SLC40A1: variants seen among roughly 807,000 people sequenced by gnomAD.
SLC40A1 encodes the protein ferroportin.
In SLC40A1, 16 loss-of-function variants were observed where a neutral mutation model predicts 53.5. The ratio of observed to expected loss-of-function variants is 0.30; its 90% CI spans 0.20 to 0.45. SLC40A1 has a LOEUF of 0.45. SLC40A1 is among the 20% of genes least tolerant of loss of function. The pLI is 1.00. For missense variants in SLC40A1, 545 were observed against 695.4 expected (o/e 0.78, Z 2.43); for synonymous variants, 247 against 253.2 (o/e 0.98, Z 0.23).
chr2:189,563,492 G>A (rs2030821517), intron 7 of SLC40A1, 92 bp downstream of exon 7: 5 of 1,181,870 alleles, frequency 4.2e-6, no homozygotes, highest in Non-Finnish European at 5.9e-6. Context: ...TAACATTTAG[G>A]GAACATTTCA....
chr2:189,578,009 AACCCC>A (rs1400567677), intron 2 of SLC40A1, among the ~76,000 whole-genome samples: 1 of 152,194 alleles, frequency 6.6e-6, no homozygotes, highest in Non-Finnish European at 1.5e-5. Context: ...AAAGGCATTC[AACCCC>A]ACACAAAACT....
Position 189,564,068 on chromosome 2 carries a change from A to G in SLC40A1, c.918T>C (p.Pro306=), listed in dbSNP as rs2030847802. Residue 306 remains proline (P), a synonymous_variant, in exon 7 of 8, where the codon CCT becomes CCC. Coordinates refer to ENST00000261024, the MANE Select transcript of SLC40A1 (RefSeq NM_014585.6). The part of the protein sequence containing the change: ...RDGWVSYYNQ[P]VFLAGMGLAF... The stretch of plus-strand genomic sequence containing the variant: ...CAAGACCCATGCCAGCCAGAAACAC[A>G]GGCTGGTTGTAGTAGGAGACCCATC... 1.9e-6 allele frequency: 3 copies of G among 1,612,070 alleles called. No individual in the cohort carries two copies. Among genetic ancestry groups the G allele is most frequent in the Non-Finnish European group, 2.5e-6 (3 of 1,178,454 alleles).
chr2:189,574,326 C>G (rs1031406708), intron 3 of SLC40A1, among the ~76,000 whole-genome samples: 2 of 152,176 alleles, frequency 1.3e-5, no homozygotes, highest in African/African-American at 4.8e-5. Context: ...TTCTGGTCTA[C>G]TCATTCTAAA....
chr2:189,565,323 A>G (rs376608215), intron 6 of SLC40A1, 31 bp downstream of exon 6: 56 of 1,613,628 alleles, frequency 3.5e-5, no homozygotes, highest in Non-Finnish European at 4.6e-5. Context: ...GAACATGAGA[A>G]CAAAAGGAGA....
At chr2:189,576,833 TCTTA>T (rs1195229100) in intron 2 of SLC40A1, among the ~76,000 whole-genome samples, 1 of 152,192 alleles carries the variant, frequency 6.6e-6, no homozygotes, top group African/African-American at 2.4e-5. Context: ...TTTCTTTTTT[TCTTA>T]CTCTTATTGT....
rs1052337478 is a variant in SLC40A1, at chr2:189,579,794, A to G, written c.111+19T>C. 1.2e-6 allele frequency: 2 copies of G among 1,607,248 alleles called. No individual in the cohort carries two copies. Among genetic ancestry groups the G allele is most frequent in the Admixed American group, 1.7e-5 (1 of 60,014 alleles). On this transcript the variant is annotated intron_variant, in intron 2 of 7. Transcript: ENST00000261024. ...AAAAATTGCGCAACTGTGTTGTAAG[A>G]CTATGCATTCTCACTTACCCAAGTA...
rs1574235789 is a variant in SLC40A1 at position 189,561,666 on chromosome 2, T to C, written c.*212A>G. The C allele has an allele frequency of 3.6e-6, 2 of 562,366 alleles. No individual in the cohort carries two copies. Among genetic ancestry groups the C allele is most frequent in the Non-Finnish European group, 6.3e-6 (2 of 315,704 alleles). The allele number at this position is 562,366 out of a possible 1,614,324, so 34.8% of individuals were successfully genotyped here. Reference sequence around the variant, plus strand: ...AGTCTCCGTATTTAAACTGAGTTTTTCTTTTCCAATTTTTTTTCCATGCCT... The same window carrying C: ...AGTCTCCGTATTTAAACTGAGTTTTCCTTTTCCAATTTTTTTTCCATGCCT... On this transcript the variant is annotated 3_prime_UTR_variant, in exon 8 of 8. Transcript: ENST00000261024.
At chr2:189,577,729 C>T (rs1177707857) in intron 2 of SLC40A1, among the ~76,000 whole-genome samples, 1 of 151,658 alleles carries the variant, frequency 6.6e-6, no homozygotes, top group Non-Finnish European at 1.5e-5. Context: ...ATTCTTCCAC[C>T]TCAGCCTCTC....
Position 189,580,696 on chromosome 2 carries a change from C to A in SLC40A1, c.-236G>T. The stretch of plus-strand genomic sequence containing the variant: ...AACACTGTAGCTGAAGTTGGAAAGG[C>A]AAAGCCTTATGGAAGCGGTTTGGGA... On this transcript the variant is annotated 5_prime_UTR_variant, in exon 1 of 8. Transcript: ENST00000261024. 6.9e-7 allele frequency: 1 copy of A among 1,458,292 alleles called. No individual in the cohort carries two copies. 90.3% of individuals were successfully genotyped at this position (1,458,292 alleles called of 1,614,324 possible).
chr2:189,571,943 A>G, intron 4 of SLC40A1, 102 bp from the exon 5 acceptor site: 1 of 807,064 alleles, frequency 1.2e-6, no homozygotes, highest in Non-Finnish European at 2.2e-6. Flanking sequence ...TGGAATGATA[A>G]AAAAAGTATT....
intron 4 of SLC40A1, 33 bp downstream of exon 4, chr2:189,572,813 T>A (rs1336844391): frequency 6.8e-7 from 1 of 1,468,152 alleles, no homozygotes; most frequent in Non-Finnish European, 9.5e-7. Context: ...GATATTCAAT[T>A]TTCTGCCATC....
intron 5 of SLC40A1, 137 bp downstream of exon 5, chr2:189,571,577 GA>G (rs1489211059): frequency 6.4e-6 from 9 of 1,410,268 alleles, no homozygotes; most frequent in African/African-American, 5.8e-5. Context: ...AATAAGGTAA[GA>G]AAAAAAGTAT....
intron 5 of SLC40A1, among the ~76,000 whole-genome samples, chr2:189,569,090 G>A (rs566838035): frequency 6.6e-6 from 1 of 152,340 alleles, no homozygotes; most frequent in South Asian, 2.1e-4. Context: ...TTTCCAAACT[G>A]GATAATGACT....
In SLC40A1 at chr2:189,562,174, A is replaced by T; in HGVS notation, c.1420T>A (p.Leu474Ile). ...TCTTGCAGCAACTGTGTCACAGTTA[A>T]ATCAAAGGACCAAAGACCTATAATA... ...AARIGLWSFDLTVTQLLQENV... is the reference protein window; with the variant it reads ...AARIGLWSFDITVTQLLQENV... The change falls in exon 8 of 8, where the codon TTA (leucine) becomes ATA (isoleucine). Residue 474 changes from leucine (L) to isoleucine (I), a missense_variant. Leu to Ile is a conservative substitution (Grantham distance 5). Coordinates refer to ENST00000261024, the MANE Select transcript of SLC40A1 (RefSeq NM_014585.6). The T allele has an allele frequency of 6.2e-7, 1 of 1,611,902 alleles. No homozygotes were observed.
chr2:189,572,593 A>C, intron 4 of SLC40A1: 1 of 553,788 alleles, frequency 1.8e-6, no homozygotes, highest in Non-Finnish European at 3.2e-6. Flanking sequence ...CAAACAACTG[A>C]ATTCTATAGT....
rs535193686 is a variant in SLC40A1, at chr2:189,572,885, A to C, written c.348T>G (p.His116Gln). The C allele has an allele frequency of 6.2e-7, 1 of 1,613,994 alleles. No homozygotes were observed. Among genetic ancestry groups the C allele is most frequent in the African/African-American group, 1.3e-5 (1 of 75,050 alleles). ...GGTACATGGTCAGAAGCTCATGTTTATGTAAGAAAACCATCATCAGGATGA... is the reference window on the plus strand; with the variant it reads ...GGTACATGGTCAGAAGCTCATGTTTCTGTAAGAAAACCATCATCAGGATGA... ...CGIILMMVFL[H>Q]KHELLTMYHG... The change falls in exon 4 of 8, where the codon CAT becomes CAG. Residue 116 changes from histidine to glutamine, a missense_variant. By Grantham distance (24) the His-to-Gln change is conservative (BLOSUM62 0). This residue lies in a region of SLC40A1 where 197 missense variants were observed against 278.8 expected (regional missense o/e 0.71). Transcript: ENST00000261024.
chr2:189,580,633 C>T lies in SLC40A1; in HGVS notation c.-173G>A. 6 of 1,529,524 alleles carry T rather than the reference C, an allele frequency of 3.9e-6. No homozygotes were observed. The South Asian group carries it at 6.0e-5, about 15-fold the overall frequency. 94.7% of individuals were successfully genotyped at this position (1,529,524 alleles called of 1,614,324 possible). On this transcript the variant is annotated 5_prime_UTR_variant, in exon 1 of 8. Coordinates refer to ENST00000261024, the MANE Select transcript of SLC40A1 (RefSeq NM_014585.6). Reference sequence around the variant, plus strand: ...TGGCAAAGAACAAAAGAAAAGGGGCCCAGGGATTTTCTTTTTTCCTTCTTT... The same window carrying T: ...TGGCAAAGAACAAAAGAAAAGGGGCTCAGGGATTTTCTTTTTTCCTTCTTT...
At chr2:189,563,421 AATAAAT>A (rs1488517482) in intron 7 of SLC40A1, among the ~76,000 whole-genome samples, 157 bp downstream of exon 7, 4 of 152,162 alleles carry the variant, frequency 2.6e-5, no homozygotes, top group East Asian at 1.9e-4. Flanking sequence ...TAAAAAACAC[AATAAAT>A]ATAAAGTATA....
chr2:189,564,002 G>A lies in SLC40A1; in HGVS notation c.984C>T (p.Thr328=), dbSNP rs2030845619. The A allele has an allele frequency of 6.2e-7, 1 of 1,614,090 alleles. No individual in the cohort carries two copies. The highest frequency in any genetic ancestry group is 1.3e-5 in the African/African-American group (1 of 75,034). ...GTCCCTGAGTGTAGGCGTACCCTGT[G>A]GTGATGCAGTCAAAGCCCAGGACAG... is the stretch of plus-strand genomic sequence containing the variant. The part of the protein sequence containing the change: ...YMTVLGFDCI[T]TGYAYTQGLS... The change falls in exon 7 of 8, where the codon ACC becomes ACT. Residue 328 remains threonine, a synonymous_variant. Transcript: ENST00000261024.
Sources: gnomAD v4.1 joint callset for allele counts (sites outside exome capture counted in the v4.1 genomes callset) on GRCh38, gnomAD v4.1.1 for gene constraint, gnomAD v4.1.1 regional missense constraint, MANE v1.5 for transcripts, NCBI Gene and HGNC (gene_info 2026-07-23, HGNC 2026-07-21) for gene names.